The following INPP5F variants were observed in gnomAD, a reference collection of about 807,000 sequenced individuals.
INPP5F encodes the protein inositol polyphosphate-5-phosphatase F.
A neutral mutation model predicts 137.2 loss-of-function variants in INPP5F; 97 were observed. That is an observed-to-expected ratio of 0.71 (90% CI 0.60 to 0.84). The LOEUF is 0.84. Among genes scored for constraint, INPP5F ranks in the 40% least tolerant of loss-of-function variants. The pLI is 0.00. For synonymous variants in INPP5F, 504 were observed against 476.9 expected, an observed-to-expected ratio of 1.06 and a Z score of -0.74; for missense variants, 1,271 against 1,371.9, an observed-to-expected ratio of 0.93 and a Z score of 1.16.
chr10:119,801,891 A>G (rs1035307537), intron 9 of INPP5F, among the ~76,000 whole-genome samples: 13 of 152,354 alleles, frequency 8.5e-5, no homozygotes, highest in African/African-American at 3.1e-4. Flanking sequence ...CTCCCTGTTG[A>G]CATTCACATC....
rs768179121 is a variant in INPP5F at position 119,826,762 on chromosome 10, A to G, written c.2381A>G (p.Asn794Ser). 3 of 1,613,972 alleles carry G rather than the reference A, an allele frequency of 1.9e-6. No homozygotes were observed. Among genetic ancestry groups the G allele is most frequent in the South Asian group, 2.2e-5 (2 of 90,988 alleles). ...LNQKVKQTKS[N>S]VNIGNLRKLG... ...CAAAAAGTGAAGCAGACCAAATCCA[A>G]TGTAAATATTGGCAACCTCCGAAAG... The change falls in exon 20 of 20, where the codon AAT becomes AGT. Residue 794 changes from asparagine to serine, a missense_variant. Physicochemically the swap from Asn to Ser is conservative, Grantham distance 46. Around this residue, in one of 6 missense-constraint regions of INPP5F, gnomAD observed 490 missense variants for 443.7 expected, o/e 1.10. Coordinates refer to ENST00000650623, the MANE Select transcript of INPP5F (RefSeq NM_014937.4).
chr10:119,827,216 C>G lies in INPP5F; in HGVS notation c.2835C>G (p.Asp945Glu), dbSNP rs200506180. ...SPLKKSPSAGDVHILTGFAKP... is the reference protein window; with the variant it reads ...SPLKKSPSAGEVHILTGFAKP... The stretch of plus-strand genomic sequence containing the variant: ...TGAAGAAAAGTCCTTCTGCTGGCGA[C>G]GTACACATATTGACTGGCTTTGCCA... The change falls in exon 20 of 20, where the codon GAC becomes GAG. Residue 945 changes from aspartate (D) to glutamate (E), a missense_variant. By Grantham distance (45) the Asp-to-Glu change is conservative (BLOSUM62 2). This residue lies in a region of INPP5F where 490 missense variants were observed against 443.7 expected (regional missense o/e 1.10). Coordinates refer to ENST00000650623, the MANE Select transcript of INPP5F (RefSeq NM_014937.4). 15 of 1,614,070 alleles carry G rather than the reference C, an allele frequency of 9.3e-6. No individual in the cohort carries two copies. The highest frequency in any genetic ancestry group is 1.3e-5 in the Non-Finnish European group (15 of 1,180,010).
chr10:119,736,984 T>G (rs1848232550), intron 1 of INPP5F, among the ~76,000 whole-genome samples: 1 of 152,080 alleles, frequency 6.6e-6, no homozygotes, highest in Admixed American at 6.6e-5. Flanking sequence ...CCACCACACC[T>G]GGCTAATTTT....
intron 15 of INPP5F, among the ~76,000 whole-genome samples, chr10:119,820,595 C>G (rs1475189991): frequency 6.6e-6 from 1 of 152,190 alleles, no homozygotes; most frequent in African/African-American, 2.4e-5. Context: ...TGAGGGACTC[C>G]TTCCTCCTTT....
intron 6 of INPP5F, among the ~76,000 whole-genome samples, chr10:119,794,771 C>A (rs561658780): frequency 2.4e-4 from 31 of 131,456 alleles, no homozygotes; most frequent in African/African-American, 8.4e-4. Context: ...CCCTCCCGGA[C>A]GGGGCGGCTG....
chr10:119,809,697 T>G (rs1850952052), intron 13 of INPP5F, among the ~76,000 whole-genome samples: 1 of 152,192 alleles, frequency 6.6e-6, no homozygotes, highest in Non-Finnish European at 1.5e-5. Flanking sequence ...CCCATTGTGA[T>G]CAACTCTAGG....
intron 1 of INPP5F, among the ~76,000 whole-genome samples, chr10:119,749,167 G>A (rs1848622937): frequency 6.6e-6 from 1 of 152,240 alleles, no homozygotes; most frequent in African/African-American, 2.4e-5. Flanking sequence ...AGGCACTTCC[G>A]AGCCTGTGGG....
chr10:119,771,247 A>G (rs72826418), intron 2 of INPP5F, among the ~76,000 whole-genome samples: 5,013 of 152,262 alleles, frequency 0.033, 116 homozygotes, highest in Non-Finnish European at 0.053. Flanking sequence ...CACTTAGCAC[A>G]ATGTTTTTAA....
chr10:119,726,563 C>T (rs1025294338), intron 1 of INPP5F, among the ~76,000 whole-genome samples: 3 of 152,220 alleles, frequency 2.0e-5, no homozygotes, highest in African/African-American at 7.2e-5. Flanking sequence ...GCCCCTACCC[C>T]AGTGCGGAGC....
At position 119,811,922 on chromosome 10, in the gene INPP5F, A is replaced by G. The variant is rs1193486895; in HGVS notation, c.1853A>G (p.His618Arg). The stretch of plus-strand genomic sequence containing the variant: ...CTACTGCCTGATGATGAGAAGTTCC[A>G]TGGGGGCTGGGCCCTCATTGACTGT... ...KLLLPDDEKFHGGWALIDCDP... is the reference protein window; with the variant it reads ...KLLLPDDEKFRGGWALIDCDP... The change falls in exon 15 of 20, where the codon CAT becomes CGT. Residue 618 changes from histidine to arginine, a missense_variant. Physicochemically the swap from His to Arg is conservative, Grantham distance 29. This residue lies in a region of INPP5F where 593 missense variants were observed against 712.4 expected (regional missense o/e 0.83). Coordinates refer to ENST00000650623, the MANE Select transcript of INPP5F (RefSeq NM_014937.4). The G allele has an allele frequency of 2.5e-6, 4 of 1,614,242 alleles. No homozygotes were observed. Among genetic ancestry groups the G allele is most frequent in the Non-Finnish European group, 3.4e-6 (4 of 1,180,038 alleles).
At position 119,811,818 on chromosome 10, in the gene INPP5F, A is replaced by G. The variant is rs1279525804; in HGVS notation, c.1749A>G (p.Glu583=). ...DLYSIFTKEK[E]HEALHKENQR... ...ATTCCATATTTACCAAGGAGAAAGA[A>G]CATGAAGCTTTGCATAAGGAAAATC... The change falls in exon 15 of 20, where the codon GAA becomes GAG. Residue 583 remains glutamate, a synonymous_variant. Coordinates refer to ENST00000650623, the MANE Select transcript of INPP5F (RefSeq NM_014937.4). 6.2e-7 allele frequency: 1 copy of G among 1,614,056 alleles called. No homozygotes were observed. The highest frequency in any genetic ancestry group is 2.2e-5 in the East Asian group (1 of 44,904).
rs146702928 is a variant in INPP5F, at chr10:119,792,025, C to T, written c.601C>T (p.Leu201Phe). The T allele has an allele frequency of 3.5e-5, 57 of 1,614,084 alleles. No homozygotes were observed. The highest frequency in any genetic ancestry group is 4.1e-5 in the Non-Finnish European group (48 of 1,180,042). Residue 201 changes from leucine (L) to phenylalanine (F), a missense_variant, in exon 5 of 20, where the codon CTC becomes TTC. Leu to Phe is a conservative substitution (Grantham distance 22). Coordinates refer to ENST00000650623, the MANE Select transcript of INPP5F (RefSeq NM_014937.4). ...QSTGERDGRPLWQKVDDRFFW... is the reference protein window; with the variant it reads ...QSTGERDGRPFWQKVDDRFFW... The stretch of plus-strand genomic sequence containing the variant: ...CACTGGGGAGAGGGACGGTCGGCCC[C>T]TCTGGCAGAAGGTACCACTCACAGC...
At chr10:119,764,911 C>G (rs1849112168) in intron 2 of INPP5F, among the ~76,000 whole-genome samples, 1 of 150,862 alleles carries the variant, frequency 6.6e-6, no homozygotes, top group South Asian at 2.1e-4. Context: ...TTTCTTTTCT[C>G]TAGCTTACTT....
intron 16 of INPP5F, among the ~76,000 whole-genome samples, chr10:119,821,344 G>GTGTT (rs1851552711): frequency 8.3e-6 from 1 of 120,444 alleles, no homozygotes; most frequent in South Asian, 3.0e-4. Context: ...TAACGTGTGT[G>GTGTT]TGTGTGTGTG....
At chr10:119,730,293 A>G (rs1173593649) in intron 1 of INPP5F, among the ~76,000 whole-genome samples, 1 of 152,158 alleles carries the variant, frequency 6.6e-6, no homozygotes, top group Non-Finnish European at 1.5e-5. Context: ...TATTTTTACT[A>G]GAGACAGGGT....
chr10:119,822,471 C>A lies in INPP5F; in HGVS notation c.1999C>A (p.Leu667Ile). The A allele has an allele frequency of 6.5e-7, 1 of 1,534,702 alleles. No individual in the cohort carries two copies. The highest frequency in any genetic ancestry group is 1.8e-5 in the Admixed American group (1 of 56,398). ...TGATAAAGTAAACCAGTATCAACGA[C>A]TAAGTCTAGAAAACCTGGAAAAAAT... ...EVDKVNQYQR[L>I]SLENLEKIEI... The change falls in exon 17 of 20, where the codon CTA becomes ATA. Residue 667 changes from leucine to isoleucine, a missense_variant. Leu to Ile is a conservative substitution (Grantham distance 5). This residue lies in a region of INPP5F where 593 missense variants were observed against 712.4 expected (regional missense o/e 0.83). Coordinates refer to ENST00000650623, the MANE Select transcript of INPP5F (RefSeq NM_014937.4).
intron 14 of INPP5F, 143 bp downstream of exon 14, chr10:119,810,360 T>C: frequency 2.0e-6 from 1 of 496,768 alleles, no homozygotes; most frequent in Non-Finnish European, 3.5e-6. Context: ...ATATATCAAA[T>C]TCAAATTTTT....
At chr10:119,822,049 C>T (rs898800663) in intron 16 of INPP5F, among the ~76,000 whole-genome samples, 1 of 151,802 alleles carries the variant, frequency 6.6e-6, no homozygotes, top group African/African-American at 2.4e-5. Flanking sequence ...TGCCACGACG[C>T]CCAGCTAATT....
At chr10:119,764,348 C>G (rs1470893278) in intron 2 of INPP5F, among the ~76,000 whole-genome samples, 1 of 151,734 alleles carries the variant, frequency 6.6e-6, no homozygotes, top group Non-Finnish European at 1.5e-5. Flanking sequence ...CGTGTGCACA[C>G]ACACACACAC....
Sources: allele counts gnomAD v4.1 joint callset (sites outside exome capture counted in the v4.1 genomes callset), GRCh38; gene constraint gnomAD v4.1.1; regional missense constraint gnomAD v4.1.1; transcripts MANE v1.5; gene names NCBI Gene and HGNC (gene_info 2026-07-23, HGNC 2026-07-21).